The following IFT88 variants were observed in gnomAD, a reference collection of about 807,000 sequenced individuals.
IFT88 encodes intraflagellar transport 88, also known as intraflagellar transport protein 88 homolog.
A neutral mutation model predicts 119.5 loss-of-function variants in IFT88; 74 were observed. The ratio of observed to expected loss-of-function variants is 0.62; its 90% confidence interval spans 0.51 to 0.75. The LOEUF (loss-of-function observed/expected upper bound fraction) is 0.75, where lower values mean the gene tolerates loss of function less well. Among genes scored for constraint, IFT88 ranks in the 30% least tolerant of loss-of-function variants. The pLI, the probability that IFT88 is intolerant of heterozygous loss-of-function variation, is 0.00. For synonymous variants in IFT88, 279 were observed against 316.7 expected (o/e 0.88, Z 1.26); for missense variants, 961 against 977.7 (o/e 0.98, Z 0.23).
intron 23 of IFT88, among the ~76,000 whole-genome samples, chr13:20,664,885 C>T (rs2054403868): frequency 6.6e-6 from 1 of 152,072 alleles, no homozygotes; most frequent in Non-Finnish European, 1.5e-5. Flanking sequence ...CGAGACCATC[C>T]TGGCTAACAC....
intron 1 of IFT88, among the ~76,000 whole-genome samples, chr13:20,573,402 G>T (rs1285158033): frequency 2.6e-5 from 4 of 152,134 alleles, no homozygotes; most frequent in Admixed American, 2.6e-4. Flanking sequence ...TGAAGTCTGA[G>T]TGTTCTGGGC....
At chr13:20,684,747 T>G (rs978348174) in intron 24 of IFT88, among the ~76,000 whole-genome samples, 13 of 152,238 alleles carry the variant, frequency 8.5e-5, no homozygotes, top group African/African-American at 2.7e-4. Context: ...TGCTCGACCC[T>G]TGTCCCATTG....
chr13:20,661,670 G>A (rs1038515442), intron 22 of IFT88, among the ~76,000 whole-genome samples: 2 of 151,892 alleles, frequency 1.3e-5, no homozygotes, highest in Non-Finnish European at 2.9e-5. Context: ...AGGAGGCAGA[G>A]GTTGCAGTGA....
intron 13 of IFT88, among the ~76,000 whole-genome samples, chr13:20,614,878 C>T (rs559851557): frequency 1.4e-5 from 2 of 143,962 alleles, no homozygotes; most frequent in Non-Finnish European, 3.0e-5. Flanking sequence ...TGCAGTGGCC[C>T]GATCTCCGCT....
chr13:20,660,863 C>T (rs1234650650), intron 22 of IFT88, among the ~76,000 whole-genome samples: 1 of 152,104 alleles, frequency 6.6e-6, no homozygotes, highest in Non-Finnish European at 1.5e-5. Context: ...TAAATAGGCA[C>T]TTAGGGAGAA....
Position 20,671,850 on chromosome 13 carries a change from G to A in IFT88, c.2242+811G>A, listed in dbSNP as rs995997656. On this transcript the variant is annotated intron_variant, in intron 24 of 25. Coordinates refer to ENST00000351808, the MANE Select transcript of IFT88 (RefSeq NM_006531.5). Reference sequence around the variant, plus strand: ...CCTAGCTCCATGTAACTATCCAGCTGCATTCTGTCATATCTGTTTGTGATG... The same window carrying A: ...CCTAGCTCCATGTAACTATCCAGCTACATTCTGTCATATCTGTTTGTGATG... Among the ~76,000 whole-genome samples the A allele has an allele frequency of 5.9e-5, 9 of 152,152 alleles. 1 individual carries two copies. Among genetic ancestry groups the A allele is most frequent in the Admixed American group, 5.9e-4 (9 of 15,270 alleles).
chr13:20,578,218 G>A (rs1165165623), intron 2 of IFT88, among the ~76,000 whole-genome samples: 1 of 150,122 alleles, frequency 6.7e-6, no homozygotes, highest in South Asian at 2.1e-4. Flanking sequence ...CTAATTTTTT[G>A]TATTTTTTTT....
At chr13:20,624,508 C>T (rs1459594400) in intron 14 of IFT88, among the ~76,000 whole-genome samples, 1 of 152,142 alleles carries the variant, frequency 6.6e-6, no homozygotes, top group Non-Finnish European at 1.5e-5. Flanking sequence ...AGGTCAGAGG[C>T]CTGCACTTGA....
Position 20,691,312 on chromosome 13 carries a change from G to A in IFT88, c.*137G>A, listed in dbSNP as rs566322367. ...TAAGTAAGTGTATTCTATTCTGTAT[G>A]TATGCATTTAAGTTGTTTTTTTCTT... On this transcript the variant is annotated 3_prime_UTR_variant, in exon 26 of 26. Coordinates refer to ENST00000351808, the MANE Select transcript of IFT88 (RefSeq NM_006531.5). 1 of 739,406 alleles carries A rather than the reference G, an allele frequency of 1.4e-6. No homozygotes were observed. Among genetic ancestry groups the A allele is most frequent in the African/African-American group, 1.8e-5 (1 of 55,816 alleles). The allele number at this position is 739,406 out of a possible 1,614,324, so 45.8% of individuals were successfully genotyped here.
At chr13:20,685,882 AAAAT>A (rs1332481521) in intron 24 of IFT88, among the ~76,000 whole-genome samples, 4 of 152,272 alleles carry the variant, frequency 2.6e-5, no homozygotes, top group Non-Finnish European at 5.9e-5. Context: ...TCCATCTCAA[AAAAT>A]AAATAAATTA....
intron 20 of IFT88, among the ~76,000 whole-genome samples, chr13:20,649,720 A>G (rs1343322268): frequency 1.3e-5 from 2 of 152,160 alleles, no homozygotes; most frequent in Non-Finnish European, 2.9e-5. Flanking sequence ...TGATTCTTTG[A>G]AAAGCTCAAC....
At position 20,605,133 on chromosome 13, in the gene IFT88, TATTA is replaced by T. The variant is rs747801876; in HGVS notation, c.1112+33_1112+36del. The T allele has an allele frequency of 1.7e-5, 15 of 904,410 alleles. No individual in the cohort carries two copies. In the Middle Eastern group the frequency reaches 9.1e-4, roughly 55 times the overall value. The allele number at this position is 904,410 out of a possible 1,614,324, so 56.0% of individuals were successfully genotyped here. A position where few individuals can be genotyped will look rare whatever the true frequency, so the allele number is the denominator to read the frequency against. On this transcript the variant is annotated intron_variant, in intron 13 of 25. Coordinates refer to ENST00000351808, the MANE Select transcript of IFT88 (RefSeq NM_006531.5). ...AATATTTTAAACTTAATAACGTAGT[TATTA>T]ATTACATTATTTAAAATATTTAATG... is the stretch of plus-strand genomic sequence containing the variant.
chr13:20,686,259 T>C (rs528802083), intron 24 of IFT88, among the ~76,000 whole-genome samples: 1 of 152,364 alleles, frequency 6.6e-6, no homozygotes, highest in East Asian at 1.9e-4. Flanking sequence ...TCACACAATG[T>C]AGTTTCCTTT....
At chr13:20,659,052 T>C (rs1422434178) in intron 22 of IFT88, among the ~76,000 whole-genome samples, 1 of 152,234 alleles carries the variant, frequency 6.6e-6, no homozygotes, top group African/African-American at 2.4e-5. Flanking sequence ...TGTGCTGTTT[T>C]AAGAAGACTA....
chr13:20,681,766 T>C (rs1403802771), intron 24 of IFT88, among the ~76,000 whole-genome samples: 1 of 152,252 alleles, frequency 6.6e-6, no homozygotes, highest in Non-Finnish European at 1.5e-5. Context: ...GAACCACATA[T>C]GAAGAATCAG....
At chr13:20,679,485 A>G (rs1441649246) in intron 24 of IFT88, among the ~76,000 whole-genome samples, 3 of 152,182 alleles carry the variant, frequency 2.0e-5, no homozygotes, top group African/African-American at 4.8e-5. Flanking sequence ...GCAGAAGGAG[A>G]GGCTTCCCAA....
chr13:20,583,434 G>A (rs2039084365), intron 3 of IFT88, among the ~76,000 whole-genome samples: 1 of 152,100 alleles, frequency 6.6e-6, no homozygotes, highest in Non-Finnish European at 1.5e-5. Flanking sequence ...TCCATTGTAT[G>A]TTTATACCAC....
chr13:20,658,099 T>A (rs1045611799), intron 22 of IFT88, among the ~76,000 whole-genome samples: 2 of 143,394 alleles, frequency 1.4e-5, no homozygotes, highest in South Asian at 2.3e-4. Flanking sequence ...AATTCTAGAA[T>A]TTTTTTTTTT....
chr13:20,605,360 T>G (rs932434352), intron 13 of IFT88, among the ~76,000 whole-genome samples: 5 of 152,198 alleles, frequency 3.3e-5, no homozygotes, highest in Admixed American at 3.3e-4. Flanking sequence ...CATGCTAATC[T>G]CAATTACTCA....
Sources: allele counts gnomAD v4.1 joint callset (sites outside exome capture counted in the v4.1 genomes callset), GRCh38; gene constraint gnomAD v4.1.1; transcripts MANE v1.5; gene names NCBI Gene and HGNC (gene_info 2026-07-23, HGNC 2026-07-21).